Variants in ATG10 observed in about 807,000 individuals in gnomAD.
The protein encoded by ATG10 is ubiquitin-like-conjugating enzyme ATG10.
Under a neutral mutation model 32.1 loss-of-function variants are expected in ATG10, and 30 were observed. The observed-to-expected ratio is 0.94, with a 90% CI of 0.70 to 1.27. ATG10 has a LOEUF of 1.27. Among genes scored for constraint, ATG10 ranks in the 50% most tolerant of loss-of-function variants. The pLI is 0.00. For synonymous variants in ATG10, 87 were observed against 91.5 expected (o/e 0.95, Z 0.28); for missense variants, 233 against 262.3 (o/e 0.89, Z 0.77).
intron 1 of ATG10, among the ~76,000 whole-genome samples, chr5:81,982,142 A>G (rs1302922148): frequency 6.6e-6 from 1 of 152,246 alleles, no homozygotes; most frequent in Non-Finnish European, 1.5e-5. Flanking sequence ...CAGCCAGAGT[A>G]AGACTCAAGC....
chr5:82,039,815 T>C (rs573321335), intron 2 of ATG10, among the ~76,000 whole-genome samples: 61 of 152,348 alleles, frequency 4.0e-4, no homozygotes, highest in Non-Finnish European at 1.3e-4. Context: ...TTATATCTCA[T>C]GATTTTTTTG....
At chr5:82,224,706 GA>G (rs1202296451) in intron 5 of ATG10, among the ~76,000 whole-genome samples, 1 of 152,186 alleles carries the variant, frequency 6.6e-6, no homozygotes, top group Non-Finnish European at 1.5e-5. Context: ...TGTGCTGGAG[GA>G]ATACTGACAA....
rs1453852701 is a variant in ATG10 at position 82,089,961 on chromosome 5, T to C, written c.216+31359T>C. Among the ~76,000 whole-genome samples the C allele has an allele frequency of 5.3e-5, 8 of 151,898 alleles. No individual in the cohort carries two copies. The East Asian group carries it at 1.4e-3, about 26-fold the overall frequency. Reference sequence around the variant, plus strand: ...TCAAAGAGTCACTGAAGGGAATATATAGATGACAAGCACATGAAAAGATGT... The same window carrying C: ...TCAAAGAGTCACTGAAGGGAATATACAGATGACAAGCACATGAAAAGATGT... On this transcript the variant is annotated intron_variant, in intron 3 of 7. Transcript: ENST00000282185.
chr5:82,075,076 C>T (rs1039683643), intron 3 of ATG10, among the ~76,000 whole-genome samples: 15 of 152,248 alleles, frequency 9.9e-5, no homozygotes, highest in Non-Finnish European at 1.9e-4. Flanking sequence ...TGTTTTATCT[C>T]TTGCTTTCTG....
chr5:82,098,569 C>G (rs977949955), intron 3 of ATG10, among the ~76,000 whole-genome samples: 4 of 152,286 alleles, frequency 2.6e-5, no homozygotes, highest in African/African-American at 9.6e-5. Context: ...TCGGGCCTCC[C>G]AAAGTGCTGG....
chr5:81,984,761 T>G (rs1761203484), intron 1 of ATG10, among the ~76,000 whole-genome samples: 1 of 152,228 alleles, frequency 6.6e-6, no homozygotes, highest in Non-Finnish European at 1.5e-5. Context: ...TATTACAACT[T>G]GAAAACTATG....
At chr5:82,139,015 A>G (rs1255969962) in intron 3 of ATG10, among the ~76,000 whole-genome samples, 3 of 149,878 alleles carry the variant, frequency 2.0e-5, no homozygotes, top group African/African-American at 7.4e-5. Context: ...GCCACGCCTG[A>G]CTGGTTTTGG....
At chr5:82,198,984 A>G (rs2149959073) in intron 5 of ATG10, among the ~76,000 whole-genome samples, 1 of 152,330 alleles carries the variant, frequency 6.6e-6, no homozygotes, top group East Asian at 1.9e-4. Context: ...TTTCCTGAAA[A>G]TGTTCCAGTT....
At chr5:82,104,065 C>T (rs573579849) in intron 3 of ATG10, among the ~76,000 whole-genome samples, 4 of 151,902 alleles carry the variant, frequency 2.6e-5, no homozygotes, top group African/African-American at 4.8e-5. Flanking sequence ...TCAAATATAC[C>T]ATGTTTTGTT....
At chr5:82,009,442 A>G (rs1762068894) in intron 2 of ATG10, among the ~76,000 whole-genome samples, 1 of 152,164 alleles carries the variant, frequency 6.6e-6, no homozygotes, top group Admixed American at 6.6e-5. Flanking sequence ...CAATCCAGCT[A>G]GGCATGGGAG....
At chr5:82,146,975 T>C (rs537364872) in intron 3 of ATG10, among the ~76,000 whole-genome samples, 53 of 152,316 alleles carry the variant, frequency 3.5e-4, no homozygotes, top group African/African-American at 1.3e-3. Flanking sequence ...CTTTCTATGT[T>C]GGGTAATTCT....
At chr5:82,121,941 G>GTTTTT (rs77349086) in intron 3 of ATG10, among the ~76,000 whole-genome samples, 6 of 121,012 alleles carry the variant, frequency 5.0e-5, no homozygotes, top group African/African-American at 1.3e-4. Flanking sequence ...TTGGCCTGAA[G>GTTTTT]TTTTTTTTTT....
Position 81,993,360 on chromosome 5 carries a change from C to CTTTCTTTCTTTCTTTCCTTCTTTCT in ATG10, c.108+5684_108+5685insTCTTTCTTTCTTTCCTTCTTTCTTT. Among the ~76,000 whole-genome samples, 112 of 46,796 alleles carry CTTTCTTTCTTTCTTTCCTTCTTTCT rather than the reference C, an allele frequency of 2.4e-3. 9 individuals carry two copies. The highest frequency in any genetic ancestry group is 2.7e-3 in the Non-Finnish European group (67 of 24,756). The allele number at this position is 46,796 out of a possible 152,430, so 30.7% of individuals were successfully genotyped here. A position where few individuals can be genotyped will look rare whatever the true frequency, so the allele number is the denominator to read the frequency against. On this transcript the variant is annotated intron_variant, in intron 2 of 7. Transcript: ENST00000282185. ...CCTTCTTTCTTTCTTTCTTTCTTTC[C>CTTTCTTTCTTTCTTTCCTTCTTTCT]TTCTTTTCTTTTCTTTTCTTTTCTT...
intron 3 of ATG10, among the ~76,000 whole-genome samples, chr5:82,148,396 G>C (rs745376377): frequency 1.3e-5 from 2 of 152,232 alleles, no homozygotes; most frequent in Non-Finnish European, 2.9e-5. Flanking sequence ...CTCAGGAGAA[G>C]CATTATCTCT....
intron 3 of ATG10, among the ~76,000 whole-genome samples, chr5:82,082,704 C>A (rs1179696148): frequency 6.6e-6 from 1 of 151,664 alleles, no homozygotes; most frequent in African/African-American, 2.4e-5. Context: ...GTTAGAAATT[C>A]ATTCACTTTC....
chr5:81,977,041 A>G (rs1268353214), intron 1 of ATG10, among the ~76,000 whole-genome samples: 1 of 151,988 alleles, frequency 6.6e-6, no homozygotes, highest in Non-Finnish European at 1.5e-5. Context: ...ATGCCAGGCT[A>G]ATTTTTGTAT....
chr5:82,009,565 T>C (rs1262776080), intron 2 of ATG10: 4 of 1,526,236 alleles, frequency 2.6e-6, no homozygotes, highest in Non-Finnish European at 3.6e-6. Context: ...GAAGGAATGG[T>C]CTGGTGGTTA....
intron 5 of ATG10, among the ~76,000 whole-genome samples, chr5:82,243,876 A>G (rs1451303550): frequency 6.6e-6 from 1 of 152,170 alleles, no homozygotes; most frequent in Admixed American, 6.6e-5. Flanking sequence ...ACTTATGGAA[A>G]TATAAAAAAT....
At chr5:82,182,237 T>C (rs1280329539) in intron 5 of ATG10, among the ~76,000 whole-genome samples, 1 of 152,156 alleles carries the variant, frequency 6.6e-6, no homozygotes, top group African/African-American at 2.4e-5. Context: ...CTTTATATTA[T>C]GGAAAATTTT....
Sources: gnomAD v4.1 joint callset for allele counts (sites outside exome capture counted in the v4.1 genomes callset) on GRCh38, gnomAD v4.1.1 for gene constraint, MANE v1.5 for transcripts, NCBI Gene and HGNC (gene_info 2026-07-23, HGNC 2026-07-21) for gene names.